UBE2J2: variants seen among roughly 807,000 people sequenced by gnomAD.
The protein encoded by UBE2J2 is ubiquitin-conjugating enzyme E2 J2.
In UBE2J2, 5 loss-of-function variants were observed where a neutral mutation model predicts 28.6. That is an observed-to-expected ratio of 0.17 (90% CI 0.09 to 0.37). The LOEUF is 0.37. Among genes scored for constraint, UBE2J2 ranks in the 10% least tolerant of loss-of-function variants. UBE2J2 has a pLI of 1.00. For synonymous variants in UBE2J2, 138 were observed against 139.7 expected, an observed-to-expected ratio of 0.99 and a Z score of 0.09; for missense variants, 226 against 338.9, an observed-to-expected ratio of 0.67 and a Z score of 2.62.
intron 3 of UBE2J2, among the ~76,000 whole-genome samples, chr1:1,262,667 C>T (rs1001163190): frequency 6.6e-5 from 10 of 152,118 alleles, no homozygotes; most frequent in African/African-American, 2.2e-4. Flanking sequence ...TGCTTGCCGG[C>T]GGGACAGTAT....
At position 1,255,290 on chromosome 1, in the gene UBE2J2, G is replaced by A. The variant is rs150711118; in HGVS notation, c.693C>T (p.Gly231=). 1.1e-3 allele frequency: 1,751 copies of A among 1,613,540 alleles called. 14 individuals are homozygous for A. The highest frequency in any genetic ancestry group is 9.7e-3 in the South Asian group (884 of 91,068). Residue 231 remains glycine (G), a synonymous_variant, in exon 7 of 7, where the codon GGC becomes GGT. Transcript: ENST00000349431. ...QANRHHGLLG[G]ALANLFVIVG... ...CTATCACAAACAAGTTCGCCAGGGC[G>A]CCACCCAGGAGTCCGTGGTGCCGGT... is the stretch of plus-strand genomic sequence containing the variant.
chr1:1,259,229 T>C (rs2101045641), intron 3 of UBE2J2, among the ~76,000 whole-genome samples: 1 of 151,484 alleles, frequency 6.6e-6, no homozygotes, highest in South Asian at 2.1e-4. Flanking sequence ...AGGACGCATG[T>C]ATGTGCGTGT....
At chr1:1,270,637 C>T (rs529533509) in intron 1 of UBE2J2, among the ~76,000 whole-genome samples, 6 of 152,204 alleles carry the variant, frequency 3.9e-5, no homozygotes, top group Admixed American at 2.0e-4. Context: ...CAACTCCCCC[C>T]GTGGGTCCAG....
chr1:1,255,994 C>G, intron 6 of UBE2J2, 51 bp downstream of exon 6: 1 of 1,285,980 alleles, frequency 7.8e-7, no homozygotes, highest in Non-Finnish European at 1.1e-6. Context: ...AGAGGTGAAA[C>G]TCAAGTGTTT....
At chr1:1,270,425 A>C (rs1016023399) in intron 1 of UBE2J2, among the ~76,000 whole-genome samples, 1 of 151,788 alleles carries the variant, frequency 6.6e-6, no homozygotes, top group Non-Finnish European at 1.5e-5. Flanking sequence ...CACCCCACAC[A>C]CCCAGGGCCT....
chr1:1,273,133 T>C (rs1435847520), intron 1 of UBE2J2: 1 of 152,220 alleles, frequency 6.6e-6, no homozygotes, highest in African/African-American at 2.4e-5. Flanking sequence ...CAGGTGTGGA[T>C]GGCGAGGCCC....
At chr1:1,263,641 G>C (rs559195694) in intron 2 of UBE2J2, 17 of 389,088 alleles carry the variant, frequency 4.4e-5, no homozygotes, top group Admixed American at 1.5e-4. Context: ...CCTTTGTTTC[G>C]ACAATATAAC....
intron 2 of UBE2J2, chr1:1,266,145 A>G (rs1384712434): frequency 7.7e-7 from 1 of 1,303,840 alleles, no homozygotes; most frequent in East Asian, 5.6e-5. Context: ...CACTGGGGGC[A>G]GAGAGCACTC....
intron 2 of UBE2J2, among the ~76,000 whole-genome samples, chr1:1,266,866 A>T (rs889049967): frequency 1.3e-5 from 2 of 152,100 alleles, no homozygotes; most frequent in African/African-American, 4.8e-5. Flanking sequence ...AGATCAAAAT[A>T]TAAAACATCC....
At chr1:1,261,656 T>G (rs920552925) in intron 3 of UBE2J2, among the ~76,000 whole-genome samples, 6 of 151,704 alleles carry the variant, frequency 4.0e-5, no homozygotes, top group African/African-American at 1.2e-4. Context: ...TTTTGGTTTT[T>G]TTTTTTTTTT....
chr1:1,272,095 A>G (rs1489628645), intron 1 of UBE2J2, among the ~76,000 whole-genome samples: 2 of 151,406 alleles, frequency 1.3e-5, no homozygotes, highest in Non-Finnish European at 2.9e-5. Context: ...CGGAGGCTGT[A>G]GTGAACTGAG....
At position 1,268,403 on chromosome 1, in the gene UBE2J2, C is replaced by G. The variant is rs1639984211; in HGVS notation, c.1-411G>C. On this transcript the variant is annotated intron_variant, in intron 1 of 6. Transcript: ENST00000349431. The surrounding 1 kb of genome is among the most constrained non-coding windows in gnomAD (Gnocchi z 4.7). Reference sequence around the variant, plus strand: ...ACCCCGCACTGATGGAGAATCCACACCATAGAAGTGGGCAGGCACCACCGC... The same window carrying G: ...ACCCCGCACTGATGGAGAATCCACAGCATAGAAGTGGGCAGGCACCACCGC... 6.6e-6 allele frequency among the ~76,000 whole-genome samples: 1 copy of G among 152,062 alleles called. No individual in the cohort carries two copies. Among genetic ancestry groups the G allele is most frequent in the Non-Finnish European group, 1.5e-5 (1 of 68,016 alleles).
In UBE2J2 at chr1:1,255,195, C is replaced by A. The variant is rs752737775; in HGVS notation, c.*8G>T. 1.1e-5 allele frequency: 18 copies of A among 1,574,948 alleles called. No homozygotes were observed. The highest frequency in any genetic ancestry group is 1.6e-5 in the Non-Finnish European group (18 of 1,155,976). On this transcript the variant is annotated 3_prime_UTR_variant, in exon 7 of 7. Transcript: ENST00000349431. ...CTCAGTGGCGCCTTGGGTCTCGGCGCCTGGGCCTCACTCCTGCGCGATGCT... is the reference window on the plus strand; with the variant it reads ...CTCAGTGGCGCCTTGGGTCTCGGCGACTGGGCCTCACTCCTGCGCGATGCT...
intron 3 of UBE2J2, chr1:1,262,407 T>A (rs1300777446): frequency 2.3e-6 from 1 of 443,494 alleles, no homozygotes; most frequent in African/African-American, 2.0e-5. Context: ...CAAAGGAGAG[T>A]CCACAGGTGT....
chr1:1,270,764 A>C (rs189733564), intron 1 of UBE2J2, among the ~76,000 whole-genome samples: 1 of 152,090 alleles, frequency 6.6e-6, no homozygotes, highest in Non-Finnish European at 1.5e-5. Flanking sequence ...CAGCCAAGCA[A>C]ATAAACATCA....
At chr1:1,263,140 G>A (rs769835624) in intron 3 of UBE2J2, 6 of 571,596 alleles carry the variant, frequency 1.0e-5, no homozygotes, top group Non-Finnish European at 1.9e-5. Flanking sequence ...GCTACAGGCG[G>A]CCCTGCAGGC....
At chr1:1,259,066 T>TCTGA (rs1381362368) in intron 3 of UBE2J2, among the ~76,000 whole-genome samples, 1 of 149,796 alleles carries the variant, frequency 6.7e-6, no homozygotes, top group Non-Finnish European at 1.5e-5. Context: ...TGTGTGCATG[T>TCTGA]GTGTGTGCAT....
intron 2 of UBE2J2, among the ~76,000 whole-genome samples, chr1:1,265,572 T>TG (rs1639802609): frequency 6.7e-6 from 1 of 149,494 alleles, no homozygotes; most frequent in Non-Finnish European, 1.5e-5. Flanking sequence ...CTCGTGTGTG[T>TG]GTGTGTGTGT....
Position 1,267,926 on chromosome 1 carries a change from G to A in UBE2J2, c.67C>T (p.Arg23Cys), listed in dbSNP as rs1448433049. 3 of 1,613,998 alleles carry A rather than the reference G, an allele frequency of 1.9e-6. No homozygotes were observed. The highest frequency in any genetic ancestry group is 1.3e-5 in the African/African-American group (1 of 74,930). Reference protein sequence around the residue: ...ATQRLKQDYLRIKKDPVPYIC... With the variant: ...ATQRLKQDYLCIKKDPVPYIC... ...TAAGGCACCGGGTCTTTCTTAATGC[G>A]AAGGTAGTCCTGCTTCAGCCTCTGG... is the stretch of plus-strand genomic sequence containing the variant. The change falls in exon 2 of 7, where the codon CGC becomes TGC. Residue 23 changes from arginine to cysteine, a missense_variant. By Grantham distance (180) the Arg-to-Cys change is radical. Transcript: ENST00000349431.
Sources: allele counts gnomAD v4.1 joint callset (sites outside exome capture counted in the v4.1 genomes callset), GRCh38; gene constraint gnomAD v4.1.1; non-coding constraint Gnocchi (gnomAD v3.1); transcripts MANE v1.5; gene names NCBI Gene and HGNC (gene_info 2026-07-23, HGNC 2026-07-21).